GRM8: variants seen among roughly 807,000 people sequenced by gnomAD.
GRM8 encodes metabotropic glutamate receptor 8.
In GRM8, 47 loss-of-function variants were observed where a neutral mutation model predicts 87.2. The observed-to-expected ratio is 0.54, with a 90% CI of 0.43 to 0.69. GRM8 has a LOEUF of 0.69. Among genes scored for constraint, GRM8 ranks in the 30% least tolerant of loss-of-function variants. The probability of loss-of-function intolerance (pLI) is 0.00; values close to 1 mark genes in which losing one functional copy is unlikely to be tolerated. For missense variants in GRM8, 1,019 were observed against 1,139.2 expected (o/e 0.89, Z 1.52); for synonymous variants, 396 against 404.5 (o/e 0.98, Z 0.25).
In GRM8 at chr7:126,686,215, C is replaced by A. The variant is rs184886405; in HGVS notation, c.1358-76717G>T. Among the ~76,000 whole-genome samples the A allele has an allele frequency of 1.1e-4, 16 of 152,180 alleles. No individual in the cohort carries two copies. The East Asian group carries it at 3.1e-3, about 30-fold the overall frequency. On this transcript the variant is annotated intron_variant, in intron 7 of 10. Coordinates refer to ENST00000339582, the MANE Select transcript of GRM8 (RefSeq NM_000845.3). ...AGGAGCTGCCCACTGAGAGTCTCTTCTAAGCTGTTCTATTGCTCAGTAAAG... is the reference window on the plus strand; with the variant it reads ...AGGAGCTGCCCACTGAGAGTCTCTTATAAGCTGTTCTATTGCTCAGTAAAG...
At chr7:127,008,512 TATG>T (rs1814546228) in intron 3 of GRM8, among the ~76,000 whole-genome samples, 3 of 152,254 alleles carry the variant, frequency 2.0e-5, no homozygotes, top group East Asian at 3.9e-4. Flanking sequence ...TTGTGAAAAG[TATG>T]TGCTGTTCTC....
intron 7 of GRM8, among the ~76,000 whole-genome samples, chr7:126,641,844 G>A (rs1802423104): frequency 6.6e-6 from 1 of 152,056 alleles, no homozygotes. Flanking sequence ...AAAGGTATGA[G>A]GATCCAAAGC....
chr7:127,066,331 T>C (rs367751650), intron 3 of GRM8, among the ~76,000 whole-genome samples: 20 of 152,318 alleles, frequency 1.3e-4, no homozygotes, highest in Middle Eastern at 3.4e-3. Context: ...GAATAACTGA[T>C]ATCAGGCCTT....
intron 2 of GRM8, among the ~76,000 whole-genome samples, chr7:127,233,786 C>A (rs981307548): frequency 8.5e-5 from 13 of 152,204 alleles, no homozygotes; most frequent in African/African-American, 3.1e-4. Context: ...TGTCTATTAG[C>A]TTGCTGAGCC....
At chr7:126,721,686 G>A (rs755289016) in intron 7 of GRM8, among the ~76,000 whole-genome samples, 6 of 151,570 alleles carry the variant, frequency 4.0e-5, no homozygotes, top group East Asian at 1.9e-4. Context: ...TTGTTGATTC[G>A]CTTTCATTTA....
intron 1 of GRM8, among the ~76,000 whole-genome samples, chr7:127,244,394 C>A (rs192694128): frequency 3.9e-5 from 6 of 152,172 alleles, no homozygotes; most frequent in African/African-American, 1.4e-4. Flanking sequence ...AAAGGCTACA[C>A]GCAAATCTAC....
intron 7 of GRM8, among the ~76,000 whole-genome samples, chr7:126,752,263 G>A (rs1015810176): frequency 1.3e-5 from 2 of 151,880 alleles, no homozygotes; most frequent in African/African-American, 4.8e-5. Context: ...CCTGTGAAAA[G>A]CCACCACACT....
intron 7 of GRM8, among the ~76,000 whole-genome samples, chr7:126,731,941 C>G (rs1172626704): frequency 6.6e-6 from 1 of 151,838 alleles, no homozygotes; most frequent in Non-Finnish European, 1.5e-5. Context: ...GTAAAGAATT[C>G]TAACAGATAA....
chr7:126,518,150 G>A (rs919186295), intron 9 of GRM8, among the ~76,000 whole-genome samples: 1 of 151,978 alleles, frequency 6.6e-6, no homozygotes, highest in Non-Finnish European at 1.5e-5. Flanking sequence ...ACATTAACTG[G>A]CAGTATGAGG....
intron 7 of GRM8, among the ~76,000 whole-genome samples, chr7:126,682,361 G>A (rs1195611002): frequency 2.0e-5 from 3 of 152,152 alleles, no homozygotes; most frequent in Admixed American, 6.5e-5. Flanking sequence ...GCACTGTCTT[G>A]GGCAATTTTC....
At chr7:126,937,699 G>A (rs1212731336) in intron 3 of GRM8, among the ~76,000 whole-genome samples, 1 of 152,196 alleles carries the variant, frequency 6.6e-6, no homozygotes, top group Non-Finnish European at 1.5e-5. Context: ...AACTCCTACT[G>A]ACTAGATTAT....
chr7:126,629,421 T>G (rs7795337), intron 7 of GRM8, among the ~76,000 whole-genome samples: 1 of 151,964 alleles, frequency 6.6e-6, no homozygotes, highest in African/African-American at 2.4e-5. Context: ...TCACTTCTTG[T>G]TAAGTTTCAA....
chr7:126,953,594 T>C (rs1808377369), intron 3 of GRM8, among the ~76,000 whole-genome samples: 1 of 152,090 alleles, frequency 6.6e-6, no homozygotes, highest in Non-Finnish European at 1.5e-5. Context: ...AAGTTTTTTT[T>C]TCTTCTTCTT....
intron 9 of GRM8, among the ~76,000 whole-genome samples, chr7:126,515,060 G>A (rs937364417): frequency 1.3e-5 from 2 of 152,018 alleles, no homozygotes; most frequent in African/African-American, 2.4e-5. Context: ...TGATATAAAT[G>A]TGTGTGTTGG....
intron 2 of GRM8, among the ~76,000 whole-genome samples, chr7:127,199,766 G>A (rs1191935903): frequency 1.3e-5 from 2 of 152,158 alleles, no homozygotes; most frequent in East Asian, 3.9e-4. Context: ...TCCAAGAACT[G>A]TACAGGACCT....
chr7:126,657,785 T>C (rs2237762), intron 7 of GRM8, among the ~76,000 whole-genome samples: 105,306 of 152,086 alleles, frequency 0.69, 37,340 homozygotes, highest in African/African-American at 0.85. Flanking sequence ...TAGTGAGCTA[T>C]TGTGGTGGGG....
chr7:126,507,015 G>A (rs976052577), intron 9 of GRM8, among the ~76,000 whole-genome samples: 1 of 152,036 alleles, frequency 6.6e-6, no homozygotes, highest in Non-Finnish European at 1.5e-5. Flanking sequence ...CATATCTAAA[G>A]AGGCTCTCAA....
chr7:126,804,611 T>C (rs575569840), intron 6 of GRM8, among the ~76,000 whole-genome samples: 1 of 152,296 alleles, frequency 6.6e-6, no homozygotes, highest in East Asian at 1.9e-4. Context: ...TAATTCCACT[T>C]CAAGATCCAT....
chr7:127,198,964 C>T (rs1363924946), intron 2 of GRM8, among the ~76,000 whole-genome samples: 3 of 151,930 alleles, frequency 2.0e-5, no homozygotes, highest in African/African-American at 7.3e-5. Context: ...CCTCAGCCTT[C>T]CTGAGTAGCT....
Sources: gnomAD v4.1 joint callset for allele counts (sites outside exome capture counted in the v4.1 genomes callset) on GRCh38, gnomAD v4.1.1 for gene constraint, MANE v1.5 for transcripts, NCBI Gene and HGNC (gene_info 2026-07-23, HGNC 2026-07-21) for gene names.